RAB38: variants seen among roughly 807,000 people sequenced by gnomAD.
The protein encoded by RAB38 is RAB38, member RAS oncogene family, also known as ras-related protein Rab-38.
RAB38 carries 15 observed loss-of-function variants against 18.4 expected under a neutral mutation model. The observed-to-expected ratio is 0.82, with a 90% CI of 0.55 to 1.26. The LOEUF (loss-of-function observed/expected upper bound fraction) is 1.26. Among genes scored for constraint, RAB38 ranks in the 50% most tolerant of loss-of-function variants. RAB38 has a pLI of 0.00. For missense variants in RAB38, 294 were observed against 267.4 expected (o/e 1.10, Z -0.69); for synonymous variants, 101 against 104.4 (o/e 0.97, Z 0.20).
At chr11:88,048,294 T>A in the RAB38 span, among the ~76,000 whole-genome samples, 5 of 152,302 alleles carry the variant, frequency 3.3e-5, no homozygotes, top group East Asian at 9.7e-4. Flanking sequence ...CTGTCTGACA[T>A]AATTCCTCGG....
chr11:87,941,214 G>GATAGATAGATATATATATATAT, the RAB38 span, among the ~76,000 whole-genome samples: 1 of 62,552 alleles, frequency 1.6e-5, no homozygotes, highest in African/African-American at 7.6e-5. Context: ...AAATATATGA[G>GATAGATAGATATATATATATAT]ATATATATAT....
chr11:88,106,564 C>G, the RAB38 span, among the ~76,000 whole-genome samples: 1 of 152,084 alleles, frequency 6.6e-6, no homozygotes, highest in African/African-American at 2.4e-5. Flanking sequence ...TCTACCATTA[C>G]AGTTTCAGTG....
At chr11:88,069,314 C>T in the RAB38 span, among the ~76,000 whole-genome samples, 44 of 152,300 alleles carry the variant, frequency 2.9e-4, no homozygotes, top group African/African-American at 9.4e-4. Flanking sequence ...ACCTGCAGCC[C>T]GCCATGCCGG....
chr11:88,083,516 T>C, the RAB38 span, among the ~76,000 whole-genome samples: 1 of 151,834 alleles, frequency 6.6e-6, no homozygotes, highest in Non-Finnish European at 1.5e-5. Context: ...TGGCAAAACA[T>C]TTATTGTTTA....
the RAB38 span, among the ~76,000 whole-genome samples, chr11:87,925,012 G>C: frequency 6.6e-6 from 1 of 151,972 alleles, no homozygotes; most frequent in Non-Finnish European, 1.5e-5. Context: ...AACGAGGGAG[G>C]TTGGTGTGCT....
chr11:88,029,157 T>C, the RAB38 span, among the ~76,000 whole-genome samples: 15 of 151,894 alleles, frequency 9.9e-5, 1 homozygote, highest in Non-Finnish European at 2.1e-4. Flanking sequence ...AGAAATAAAA[T>C]ACTTTACAGA....
the RAB38 span, among the ~76,000 whole-genome samples, chr11:87,974,488 G>A: frequency 1.3e-5 from 2 of 151,796 alleles, no homozygotes; most frequent in African/African-American, 2.4e-5. Flanking sequence ...AGTGACTTGT[G>A]AGGTGTTAAA....
chr11:87,818,655 C>T, the RAB38 span, among the ~76,000 whole-genome samples: 780 of 152,142 alleles, frequency 5.1e-3, 9 homozygotes, highest in African/African-American at 0.018. Flanking sequence ...CCAAATTTCA[C>T]AACACTTACA....
At chr11:87,880,660 C>T in the RAB38 span, among the ~76,000 whole-genome samples, 151 of 151,932 alleles carry the variant, frequency 9.9e-4, no homozygotes, top group African/African-American at 3.5e-3. Context: ...TATAGGGTCC[C>T]ACAACATTGC....
chr11:87,957,475 T>C, the RAB38 span, among the ~76,000 whole-genome samples: 1 of 152,150 alleles, frequency 6.6e-6, no homozygotes, highest in Non-Finnish European at 1.5e-5. Flanking sequence ...GCTTTTATTC[T>C]AAGTCTGATG....
At chr11:87,827,587 G>C in the RAB38 span, among the ~76,000 whole-genome samples, 1 of 152,052 alleles carries the variant, frequency 6.6e-6, no homozygotes, top group East Asian at 1.9e-4. Context: ...GATTTAGGAA[G>C]AATATTAATG....
chr11:88,014,306 A>G, the RAB38 span, among the ~76,000 whole-genome samples: 1 of 152,150 alleles, frequency 6.6e-6, no homozygotes, highest in African/African-American at 2.4e-5. Context: ...GCAAATTAGG[A>G]TGCAAAGCCT....
At chr11:88,165,613 T>C (rs1180645774) in intron 1 of RAB38, 5 of 152,126 alleles carry the variant, frequency 3.3e-5, no homozygotes, top group Non-Finnish European at 7.4e-5. Context: ...ATAAAAGTGA[T>C]AAGGAACAAA....
At chr11:87,921,906 A>G in the RAB38 span, among the ~76,000 whole-genome samples, 13,455 of 151,982 alleles carry the variant, frequency 0.089, 1,527 homozygotes, top group African/African-American at 0.27. Flanking sequence ...AAGCAATGAA[A>G]CACATGAGCA....
chr11:88,175,006 T>C (rs906775027), intron 1 of RAB38, among the ~76,000 whole-genome samples, 177 bp downstream of exon 1: 1 of 152,234 alleles, frequency 6.6e-6, no homozygotes, highest in Non-Finnish European at 1.5e-5. Flanking sequence ...CGCCAGGGAA[T>C]GCACTTGAAG....
the RAB38 span, among the ~76,000 whole-genome samples, chr11:87,869,575 A>G: frequency 6.6e-6 from 1 of 151,660 alleles, no homozygotes; most frequent in African/African-American, 2.4e-5. Context: ...GTGGAGTGCT[A>G]TTGTTGAAAA....
chr11:88,072,334 T>C, the RAB38 span, among the ~76,000 whole-genome samples: 1 of 152,146 alleles, frequency 6.6e-6, no homozygotes, highest in African/African-American at 2.4e-5. Context: ...TAAGGATAGG[T>C]TGATAGTTTT....
the RAB38 span, among the ~76,000 whole-genome samples, chr11:87,893,081 C>T: frequency 6.6e-6 from 1 of 151,400 alleles, no homozygotes; most frequent in Admixed American, 6.6e-5. Context: ...ATTGTTGTTT[C>T]CACGATGTTG....
chr11:88,024,727 A>G, the RAB38 span, among the ~76,000 whole-genome samples: 4 of 152,196 alleles, frequency 2.6e-5, no homozygotes, highest in African/African-American at 4.8e-5. Flanking sequence ...TTGCAACAAC[A>G]TGGAAAGAAC....
Sources: gnomAD v4.1 joint callset for allele counts (sites outside exome capture counted in the v4.1 genomes callset) on GRCh38, gnomAD v4.1.1 for gene constraint, MANE v1.5 for transcripts, NCBI Gene and HGNC (gene_info 2026-07-23, HGNC 2026-07-21) for gene names.